RAD51B: variants seen among roughly 807,000 people sequenced by gnomAD.
RAD51B encodes the protein RAD51 paralog B.
RAD51B carries 38 observed loss-of-function variants against 42.2 expected under a neutral mutation model. The observed-to-expected ratio is 0.90, with a 90% CI of 0.70 to 1.18. The LOEUF (loss-of-function observed/expected upper bound fraction) is 1.18. Ranked by LOEUF, RAD51B falls within the 50% of genes most tolerant of loss-of-function variation. RAD51B has a pLI of 0.00. For synonymous variants in RAD51B, 154 were observed against 145.2 expected, an observed-to-expected ratio of 1.06 and a Z score of -0.43; for missense variants, 373 against 400.7, an observed-to-expected ratio of 0.93 and a Z score of 0.59.
intron 4 of RAD51B, among the ~76,000 whole-genome samples, chr14:67,858,369 G>A (rs184528663): frequency 1.7e-3 from 260 of 152,282 alleles, no homozygotes; most frequent in African/African-American, 6.1e-3. Context: ...GGGACAGGAA[G>A]GGCAGGTCAT....
chr14:68,445,771 T>C (rs576762080), intron 9 of RAD51B, among the ~76,000 whole-genome samples: 1 of 152,290 alleles, frequency 6.6e-6, no homozygotes, highest in African/African-American at 2.4e-5. Context: ...TATTGGGAAA[T>C]CTATAATTAA....
At chr14:68,371,456 T>G (rs1437950567) in intron 8 of RAD51B, among the ~76,000 whole-genome samples, 1 of 152,000 alleles carries the variant, frequency 6.6e-6, no homozygotes, top group African/African-American at 2.4e-5. Context: ...AGGCGGAGGT[T>G]GCAGTGAGCT....
chr14:67,995,838 C>T (rs58095331), intron 7 of RAD51B, among the ~76,000 whole-genome samples: 2 of 151,876 alleles, frequency 1.3e-5, no homozygotes, highest in Admixed American at 6.6e-5. Flanking sequence ...AGGATGGACT[C>T]GATCTCCTGA....
intron 8 of RAD51B, among the ~76,000 whole-genome samples, chr14:68,375,351 C>A (rs886787151): frequency 6.6e-6 from 1 of 152,034 alleles, no homozygotes; most frequent in Non-Finnish European, 1.5e-5. Context: ...CTTTAGAGAT[C>A]CCAGGTTTTG....
intron 10 of RAD51B, chr14:68,470,595 G>T: frequency 2.0e-6 from 1 of 507,592 alleles, no homozygotes; most frequent in Admixed American, 2.3e-5. Context: ...GTCATGAAGT[G>T]AAATTGATGA....
intron 10 of RAD51B, among the ~76,000 whole-genome samples, chr14:68,524,988 G>T (rs1886828361): frequency 6.6e-6 from 1 of 152,170 alleles, no homozygotes; most frequent in African/African-American, 2.4e-5. Flanking sequence ...CTGATCCTTT[G>T]AACCTGTGCA....
chr14:68,310,077 T>C (rs1187683710), intron 8 of RAD51B, among the ~76,000 whole-genome samples: 3 of 152,230 alleles, frequency 2.0e-5, no homozygotes, highest in Admixed American at 1.3e-4. Flanking sequence ...AATACTTTCA[T>C]TGATATTCCT....
chr14:68,603,779 G>A (rs1357786297), intron 10 of RAD51B, among the ~76,000 whole-genome samples: 4 of 152,218 alleles, frequency 2.6e-5, no homozygotes, highest in Admixed American at 1.3e-4. Context: ...TGCACACGCC[G>A]CGTCTCGCCT....
At chr14:68,489,860 A>T (rs1056178100) in intron 10 of RAD51B, among the ~76,000 whole-genome samples, 1 of 152,242 alleles carries the variant, frequency 6.6e-6, no homozygotes, top group Non-Finnish European at 1.5e-5. Context: ...AAGTAAAGAA[A>T]ATAATATAAT....
chr14:68,594,680 CAGCCTCCCAA>C (rs983521034), exon 11 of RAD51B: 15 of 1,278,972 alleles, frequency 1.2e-5, no homozygotes, highest in African/African-American at 1.5e-5. Context: ...CCACCCACCT[CAGCCTCCCAA>C]AGCGCTAGGA....
intron 11 of RAD51B, among the ~76,000 whole-genome samples, chr14:68,669,946 G>T (rs1893118612): frequency 6.6e-6 from 1 of 152,214 alleles, no homozygotes; most frequent in Admixed American, 6.5e-5. Context: ...TTGTCTGCCT[G>T]CTGGTGGGAC....
intron 7 of RAD51B, among the ~76,000 whole-genome samples, chr14:68,193,472 C>T (rs1399063661): frequency 6.6e-6 from 1 of 152,118 alleles, no homozygotes; most frequent in Non-Finnish European, 1.5e-5. Flanking sequence ...AAATTGCATG[C>T]ATCTCTTGTT....
intron 3 of RAD51B, among the ~76,000 whole-genome samples, chr14:67,829,665 A>G (rs528316702): frequency 1.3e-5 from 2 of 152,014 alleles, no homozygotes; most frequent in South Asian, 4.2e-4. Context: ...TTTTTTGCTC[A>G]TTTATTCAGT....
At chr14:68,110,100 T>A (rs891407603) in intron 7 of RAD51B, among the ~76,000 whole-genome samples, 1 of 151,940 alleles carries the variant, frequency 6.6e-6, no homozygotes, top group South Asian at 2.1e-4. Flanking sequence ...CCATCATACT[T>A]AGGAGCTAGT....
At chr14:68,202,772 G>A (rs558506450) in intron 7 of RAD51B, among the ~76,000 whole-genome samples, 17 of 151,696 alleles carry the variant, frequency 1.1e-4, no homozygotes, top group African/African-American at 4.1e-4. Context: ...AGTAGAGACG[G>A]GGTTTCTCCA....
At chr14:68,162,897 T>C (rs979928060) in intron 7 of RAD51B, among the ~76,000 whole-genome samples, 4 of 152,250 alleles carry the variant, frequency 2.6e-5, no homozygotes, top group African/African-American at 9.6e-5. Context: ...AGAAATTTTC[T>C]TCCTGTAAGC....
At chr14:68,146,752 A>G (rs1280046951) in intron 7 of RAD51B, among the ~76,000 whole-genome samples, 2 of 152,200 alleles carry the variant, frequency 1.3e-5, no homozygotes, top group African/African-American at 4.8e-5. Flanking sequence ...TGGCTACATA[A>G]GTAAAAGCTG....
At position 68,253,913 on chromosome 14, in the gene RAD51B, A is replaced by G. The variant is rs548854526; in HGVS notation, c.757-37971A>G. On this transcript the variant is annotated intron_variant, in intron 7 of 10. Transcript: ENST00000471583. ...CTCAAATATTATCCTGCTCTGTCTT[A>G]ACAATTACTAAAAACGAGAAAAATA... is the stretch of plus-strand genomic sequence containing the variant. Among the ~76,000 whole-genome samples, 82 of 152,302 alleles carry G rather than the reference A, an allele frequency of 5.4e-4. 5 individuals carry two copies. In the South Asian group the frequency reaches 0.015, roughly 28 times the overall value.
chr14:68,463,004 G>T (rs964347165), intron 9 of RAD51B, among the ~76,000 whole-genome samples: 1 of 152,082 alleles, frequency 6.6e-6, no homozygotes, highest in East Asian at 1.9e-4. Context: ...TTTCACTAGG[G>T]CCCTGTTGTT....
Sources: allele counts gnomAD v4.1 joint callset (sites outside exome capture counted in the v4.1 genomes callset), GRCh38; gene constraint gnomAD v4.1.1; transcripts MANE v1.5; gene names NCBI Gene and HGNC (gene_info 2026-07-23, HGNC 2026-07-21).